Variants in MID1 observed in about 807,000 individuals in gnomAD.
MID1 encodes the protein midline 1, also known as E3 ubiquitin-protein ligase Midline-1.
MID1 carries 7 observed loss-of-function variants against 40.4 expected under a neutral mutation model. That is an observed-to-expected ratio of 0.17 (90% CI 0.10 to 0.33). The LOEUF (loss-of-function observed/expected upper bound fraction) is 0.33. Ranked by LOEUF, MID1 falls within the 10% of genes least tolerant of loss-of-function variation. The probability of loss-of-function intolerance (pLI) is 1.00; values close to 1 mark genes in which losing one functional copy is unlikely to be tolerated. For synonymous variants in MID1, 229 were observed against 221.2 expected, an observed-to-expected ratio of 1.04 and a Z score of -0.31; for missense variants, 367 against 558.5, an observed-to-expected ratio of 0.66 and a Z score of 3.46.
At chrX:10,591,863 CT>C (rs1935309940) in intron 1 of MID1, among the ~76,000 whole-genome samples, 1 of 111,141 alleles carries the variant, frequency 9.0e-6, no homozygotes, top group East Asian at 2.8e-4. Flanking sequence ...TCCCCCGGGT[CT>C]ACCCTGTATC....
At chrX:10,480,277 G>A (rs909265669) in intron 5 of MID1, among the ~76,000 whole-genome samples, 3 of 112,348 alleles carry the variant, frequency 2.7e-5, no homozygotes, top group South Asian at 3.7e-4. Context: ...GAGCAGATAC[G>A]TCCCACTGGA....
At chrX:10,666,354 G>A (rs977197707) in intron 1 of MID1, among the ~76,000 whole-genome samples, 1 of 96,891 alleles carries the variant, frequency 1.0e-5, no homozygotes, top group African/African-American at 3.9e-5. Flanking sequence ...GATACTGGTA[G>A]TTTATAGCTT....
At chrX:10,573,230 C>T (rs1420072612) in intron 1 of MID1, among the ~76,000 whole-genome samples, 2 of 112,472 alleles carry the variant, frequency 1.8e-5, no homozygotes, top group African/African-American at 6.5e-5. Flanking sequence ...TTCCTTTCCT[C>T]TCTCATAATA....
intron 1 of MID1, among the ~76,000 whole-genome samples, chrX:10,831,379 G>C (rs2044251449): frequency 9.0e-6 from 1 of 111,612 alleles, no homozygotes; most frequent in South Asian, 3.8e-4. Flanking sequence ...CCCATTGTTT[G>C]TTTGTTTTTG....
chrX:10,479,893 T>G (rs1930222460), intron 5 of MID1, among the ~76,000 whole-genome samples: 1 of 111,866 alleles, frequency 8.9e-6, no homozygotes, highest in Non-Finnish European at 1.9e-5. Context: ...ATAGCTTAAT[T>G]TTTGGATTTT....
At chrX:10,823,271 A>C (rs769069445) in intron 1 of MID1, among the ~76,000 whole-genome samples, 1 of 111,490 alleles carries the variant, frequency 9.0e-6, no homozygotes, top group East Asian at 2.8e-4. Flanking sequence ...TAACTGAATG[A>C]TGAGAACACA....
At position 10,540,585 on chromosome X, in the gene MID1, T is replaced by C. The variant is rs746978991; in HGVS notation, c.661-17398A>G. ...CAAAGGTCTATTATTCCAATTTAGA[T>C]GGTTCCATCTAAGTTGGATGTGCAC... On this transcript the variant is annotated intron_variant, in intron 2 of 9. Transcript: ENST00000317552. 4.0e-3 allele frequency among the ~76,000 whole-genome samples: 445 copies of C among 111,592 alleles called. 3 individuals carry two copies. The highest frequency in any genetic ancestry group is 0.014 in the African/African-American group (423 of 30,658).
chrX:10,548,868 T>C (rs912290661), intron 2 of MID1, among the ~76,000 whole-genome samples: 1 of 112,334 alleles, frequency 8.9e-6, no homozygotes. Context: ...TACTCAGATG[T>C]ATTCAAAAGA....
chrX:10,829,190 G>A (rs749312957), intron 1 of MID1, among the ~76,000 whole-genome samples: 1 of 112,105 alleles, frequency 8.9e-6, no homozygotes, highest in East Asian at 2.8e-4. Context: ...AGATACTCAG[G>A]GGGAGAAATA....
chrX:10,754,685 C>T (rs1373711458), intron 1 of MID1, among the ~76,000 whole-genome samples: 5 of 110,798 alleles, frequency 4.5e-5, no homozygotes, highest in East Asian at 5.6e-4. Context: ...TGCGATTAGC[C>T]GGGTGTGTGG....
chrX:10,511,440 G>A (rs754962145), intron 3 of MID1, among the ~76,000 whole-genome samples: 15 of 111,326 alleles, frequency 1.3e-4, no homozygotes, highest in African/African-American at 4.9e-4. Context: ...GAGTCCAGTG[G>A]TACAATCATA....
At chrX:10,488,512 C>T (rs1048406278) in intron 4 of MID1, among the ~76,000 whole-genome samples, 1 of 111,997 alleles carries the variant, frequency 8.9e-6, no homozygotes, top group Non-Finnish European at 1.9e-5. Context: ...AGGTAGGAAG[C>T]AGTATCTCAT....
chrX:10,713,715 T>C (rs760463069), intron 1 of MID1, among the ~76,000 whole-genome samples: 1 of 111,922 alleles, frequency 8.9e-6, no homozygotes, highest in Non-Finnish European at 1.9e-5. Context: ...ACTAAAGATA[T>C]AAAGTTTGGG....
At chrX:10,646,162 G>C (rs901258607) in intron 1 of MID1, among the ~76,000 whole-genome samples, 5 of 112,021 alleles carry the variant, frequency 4.5e-5, no homozygotes, top group Non-Finnish European at 9.4e-5. Flanking sequence ...GCTGTGGGCA[G>C]ACACAGGCTA....
intron 7 of MID1, among the ~76,000 whole-genome samples, chrX:10,463,403 G>C (rs1602255833): frequency 9.0e-6 from 1 of 111,675 alleles, no homozygotes; most frequent in East Asian, 2.8e-4. Context: ...GCTACAGCCA[G>C]GTTTTGAGCA....
intron 2 of MID1, among the ~76,000 whole-genome samples, chrX:10,537,137 T>C (rs1454430814): frequency 9.0e-6 from 1 of 110,893 alleles, no homozygotes; most frequent in African/African-American, 3.3e-5. Context: ...AAAAAAACAG[T>C]CATGCTGAAG....
chrX:10,542,303 A>T (rs751417096), intron 2 of MID1, among the ~76,000 whole-genome samples: 21 of 111,654 alleles, frequency 1.9e-4, no homozygotes, highest in African/African-American at 4.9e-4. Flanking sequence ...TAAAAGAAAC[A>T]TTTGCTCATT....
intron 3 of MID1, among the ~76,000 whole-genome samples, chrX:10,499,651 T>C (rs1931443069): frequency 8.9e-6 from 1 of 112,076 alleles, no homozygotes; most frequent in Admixed American, 9.5e-5. Flanking sequence ...TTTATATGGA[T>C]AGCCAGTTGT....
At chrX:10,658,455 A>G (rs1229273762) in intron 1 of MID1, among the ~76,000 whole-genome samples, 1 of 101,665 alleles carries the variant, frequency 9.8e-6, no homozygotes, top group African/African-American at 3.7e-5. Flanking sequence ...AAAAAAAAAA[A>G]AAAAAAAAAG....
Sources: allele counts gnomAD v4.1 joint callset (sites outside exome capture counted in the v4.1 genomes callset), GRCh38; gene constraint gnomAD v4.1.1; transcripts MANE v1.5; gene names NCBI Gene and HGNC (gene_info 2026-07-23, HGNC 2026-07-21).